Variants in CFAP92 observed in about 807,000 individuals in gnomAD.
CFAP92 encodes the protein uncharacterized protein CFAP92.
CFAP92 carries 86 observed loss-of-function variants against 106.3 expected under a neutral mutation model. The observed-to-expected ratio is 0.81, with a 90% CI of 0.68 to 0.97. CFAP92 has a LOEUF of 0.97. Ranked by LOEUF, CFAP92 falls within the 50% of genes least tolerant of loss-of-function variation. The probability of loss-of-function intolerance (pLI) is 0.00; values close to 1 mark genes in which losing one functional copy is unlikely to be tolerated. For missense variants in CFAP92, 1,204 were observed against 1,283.8 expected, an observed-to-expected ratio of 0.94 and a Z score of 0.95; for synonymous variants, 477 against 506.4, an observed-to-expected ratio of 0.94 and a Z score of 0.78.
intron 12 of CFAP92, among the ~76,000 whole-genome samples, chr3:128,920,236 T>A (rs1340494959): frequency 6.6e-6 from 1 of 152,144 alleles, no homozygotes; most frequent in Non-Finnish European, 1.5e-5. Context: ...AAACCCTGTT[T>A]CTACTAATAT....
Position 128,915,439 on chromosome 3 carries a change from C to T in CFAP92, c.3041G>A (p.Gly1014Glu). 1.3e-6 allele frequency: 2 copies of T among 1,536,144 alleles called. No homozygotes were observed. The highest frequency in any genetic ancestry group is 8.7e-7 in the Non-Finnish European group (1 of 1,146,912). Residue 1014 changes from glycine to glutamate, a missense_variant, in exon 14 of 16, where the codon GGA becomes GAA. Coordinates refer to ENST00000645291, the MANE Select transcript of CFAP92 (RefSeq NM_001394090.1). The stretch of plus-strand genomic sequence containing the variant: ...GCTCTGAAGACCTGTCACTTGGAAT[C>T]CCCTGGCTGTGAGCCAGGCCTGGCG... ...KSRQAWLTARGFQVTGLQSDT... is the reference protein window; with the variant it reads ...KSRQAWLTAREFQVTGLQSDT...
intron 10 of CFAP92, among the ~76,000 whole-genome samples, chr3:128,942,430 G>T (rs1271293142): frequency 6.6e-6 from 1 of 152,188 alleles, no homozygotes; most frequent in Non-Finnish European, 1.5e-5. Flanking sequence ...TGGCAGGCTG[G>T]CTGACCGCCT....
At chr3:128,920,626 G>A (rs944806281) in intron 12 of CFAP92, among the ~76,000 whole-genome samples, 2 of 152,146 alleles carry the variant, frequency 1.3e-5, no homozygotes, top group African/African-American at 2.4e-5. Context: ...CATGTCTGAC[G>A]TAACGTAAAA....
At chr3:128,930,850 T>C (rs1938284406) in intron 12 of CFAP92, among the ~76,000 whole-genome samples, 1 of 152,168 alleles carries the variant, frequency 6.6e-6, no homozygotes, top group Non-Finnish European at 1.5e-5. Flanking sequence ...TCTAAGTGCA[T>C]TAAGAGGTAG....
At chr3:128,942,811 A>G (rs1249452170) in intron 10 of CFAP92, among the ~76,000 whole-genome samples, 1 of 149,130 alleles carries the variant, frequency 6.7e-6, no homozygotes, top group Non-Finnish European at 1.5e-5. Flanking sequence ...GTTCCCAAGT[A>G]GCTGGGATTA....
chr3:129,001,767 G>C, intron 1 of CFAP92: 1 of 1,542,704 alleles, frequency 6.5e-7, no homozygotes, highest in South Asian at 1.2e-5. Flanking sequence ...CGTGGAGAAC[G>C]AGATCGTGGT....
At chr3:128,964,030 CT>C (rs2107765670) in intron 9 of CFAP92, among the ~76,000 whole-genome samples, 1 of 152,308 alleles carries the variant, frequency 6.6e-6, no homozygotes, top group East Asian at 1.9e-4. Context: ...GCAGTCATTT[CT>C]TCCCTTCTGT....
rs1001641599 is a variant in CFAP92, at chr3:128,923,798, A to C, written c.2752-7527T>G. On this transcript the variant is annotated intron_variant, in intron 12 of 15. Coordinates refer to ENST00000645291, the MANE Select transcript of CFAP92 (RefSeq NM_001394090.1). ...ATAGGAAATGTTACTCTTAAATGCCATCTGGAGGGCAAAGATGAAAATCTC... is the reference window on the plus strand; with the variant it reads ...ATAGGAAATGTTACTCTTAAATGCCCTCTGGAGGGCAAAGATGAAAATCTC... Among the ~76,000 whole-genome samples, 57 of 152,210 alleles carry C rather than the reference A, an allele frequency of 3.7e-4. 1 individual carries two copies. The highest frequency in any genetic ancestry group is 6.3e-4 in the Non-Finnish European group (43 of 68,030).
intron 9 of CFAP92, among the ~76,000 whole-genome samples, chr3:128,956,955 G>A (rs1941475314): frequency 2.2e-5 from 3 of 135,292 alleles, no homozygotes. Context: ...ACTCCAGCCT[G>A]GGTGACAGAG....
intron 4 of CFAP92, among the ~76,000 whole-genome samples, chr3:128,979,866 T>C (rs7646220): frequency 0.68 from 101,489 of 149,042 alleles, 36,124 homozygotes; most frequent in African/African-American, 0.91. Context: ...TTAATGGGGG[T>C]AGCACACCAA....
At chr3:129,000,619 G>C (rs977083686) in intron 1 of CFAP92, among the ~76,000 whole-genome samples, 2 of 152,158 alleles carry the variant, frequency 1.3e-5, no homozygotes, top group African/African-American at 4.8e-5. Context: ...AGGGAACACA[G>C]TCTAGCACTC....
intron 10 of CFAP92, among the ~76,000 whole-genome samples, chr3:128,943,786 C>T (rs1176036484): frequency 1.3e-5 from 2 of 152,108 alleles, no homozygotes; most frequent in Non-Finnish European, 2.9e-5. Context: ...ATCCTCCCGC[C>T]TCAGCCTCCC....
In CFAP92 at chr3:128,928,170, G is replaced by A. The variant is rs148812319; in HGVS notation, c.2751+4530C>T. ...TGGGAGGCTGAGGCAGGAGAATGGC[G>A]TGAACCTGGGAGGCCAAGCTTGCAG... On this transcript the variant is annotated intron_variant, in intron 12 of 15. Coordinates refer to ENST00000645291, the MANE Select transcript of CFAP92 (RefSeq NM_001394090.1). Among the ~76,000 whole-genome samples, 67 of 152,124 alleles carry A rather than the reference G, an allele frequency of 4.4e-4. 1 individual carries two copies. In the East Asian group the frequency reaches 0.012, roughly 26 times the overall value.
At chr3:129,019,900 C>A in the CFAP92 span, among the ~76,000 whole-genome samples, 1,248 of 151,482 alleles carry the variant, frequency 8.2e-3, 20 homozygotes, top group African/African-American at 0.028. Flanking sequence ...TCCCAAGTAG[C>A]TGGGACTATA....
intron 9 of CFAP92, among the ~76,000 whole-genome samples, chr3:128,960,690 AC>A (rs1222943460): frequency 6.6e-6 from 1 of 151,890 alleles, no homozygotes; most frequent in Non-Finnish European, 1.5e-5. Context: ...TTGGTCCTTC[AC>A]CCTTAGCGGC....
intron 8 of CFAP92, chr3:128,971,005 T>C (rs1942750618): frequency 2.0e-6 from 1 of 492,620 alleles, no homozygotes; most frequent in Non-Finnish European, 3.6e-6. Context: ...ATGATGACAT[T>C]TAATATTCCC....
chr3:128,957,222 C>T (rs994720474), intron 9 of CFAP92, among the ~76,000 whole-genome samples: 3 of 152,134 alleles, frequency 2.0e-5, no homozygotes, highest in African/African-American at 7.2e-5. Flanking sequence ...AGTAGAACCA[C>T]GGGTAAACAA....
upstream of CFAP92, among the ~76,000 whole-genome samples, chr3:129,007,193 C>T (rs773751538): frequency 2.0e-5 from 3 of 152,140 alleles, no homozygotes; most frequent in Non-Finnish European, 2.9e-5. Flanking sequence ...AAACATCGGC[C>T]GGACATTTTA....
chr3:129,003,758 C>A, upstream of CFAP92: 1 of 1,357,408 alleles, frequency 7.4e-7, no homozygotes, highest in Non-Finnish European at 9.5e-7. Context: ...CTGGCTGGGG[C>A]ACTTACCCCC....
Sources: allele counts gnomAD v4.1 joint callset (sites outside exome capture counted in the v4.1 genomes callset), GRCh38; gene constraint gnomAD v4.1.1; transcripts MANE v1.5; gene names NCBI Gene and HGNC (gene_info 2026-07-23, HGNC 2026-07-21).